DDX3X: variants seen among roughly 807,000 people sequenced by gnomAD.
The protein encoded by DDX3X is ATP-dependent RNA helicase DDX3X.
Under a neutral mutation model 52.7 loss-of-function variants are expected in DDX3X, and 4 were observed. That is an observed-to-expected ratio of 0.08 (90% CI 0.04 to 0.17). The LOEUF (loss-of-function observed/expected upper bound fraction) is 0.17. DDX3X is among the 10% of genes least tolerant of loss of function. The pLI, the probability that DDX3X is intolerant of heterozygous loss-of-function variation, is 1.00. For missense variants in DDX3X, 222 were observed against 548.6 expected, an observed-to-expected ratio of 0.40 and a Z score of 5.95; for synonymous variants, 192 against 178.1, an observed-to-expected ratio of 1.08 and a Z score of -0.62.
chrX:41,355,064 G>T (rs1451693473), downstream of DDX3X, among the ~76,000 whole-genome samples: 1 of 111,016 alleles, frequency 9.0e-6, no homozygotes, highest in African/African-American at 3.3e-5. Flanking sequence ...CGGGTGATCC[G>T]CCCGCCTCGG....
At chrX:41,353,467 C>T (rs1275324012), downstream of DDX3X, among the ~76,000 whole-genome samples, 1 of 105,771 alleles carries the variant, frequency 9.5e-6, no homozygotes, top group Non-Finnish European at 1.9e-5. Context: ...GACTCCATCT[C>T]AAAAAATATA....
intron 1 of DDX3X, chrX:41,334,515 G>C: frequency 9.1e-7 from 1 of 1,094,971 alleles, no homozygotes; most frequent in Non-Finnish European, 1.2e-6. Flanking sequence ...CCCGGGACGA[G>C]CACAATGGCG....
chrX:41,333,883 CTCCGAGGCTGAGA>C, upstream of DDX3X: 1 of 167,173 alleles, frequency 6.0e-6, no homozygotes, highest in Non-Finnish European at 1.1e-5. Context: ...ATCTCGAGAA[CTCCGAGGCTGAGA>C]CTAGGGTTTT....
At chrX:41,361,238 C>CATG (rs1445665286) in intron 5 of DDX3X, among the ~76,000 whole-genome samples, 1 of 109,993 alleles carries the variant, frequency 9.1e-6, no homozygotes, top group Non-Finnish European at 1.9e-5. Context: ...GTCGGCCGGG[C>CATG]ATGGTGGCTC....
At chrX:41,347,488 G>GT (rs778452838) in intron 16 of DDX3X, 37 bp downstream of exon 16, 2 of 1,194,985 alleles carry the variant, frequency 1.7e-6, no homozygotes, top group East Asian at 3.0e-5. Flanking sequence ...TTTGGGAAGG[G>GT]TTTTTTTCCT....
rs773170986 is a variant in DDX3X at position 41,343,716 on chromosome X, T to G, written c.680-21T>G. 10 of 1,178,121 alleles carry G rather than the reference T, an allele frequency of 8.5e-6. No homozygotes were observed. In the African/African-American group the frequency reaches 1.8e-4, roughly 21 times the overall value. On this transcript the variant is annotated intron_variant, in intron 7 of 16. Coordinates refer to ENST00000644876, the MANE Select transcript of DDX3X (RefSeq NM_001356.5). Reference sequence around the variant, plus strand: ...CTGTTTAAAAGTAATGAGCAGGATTTGTTTGTTTGTTTTTGAACAGGGTCT... The same window carrying G: ...CTGTTTAAAAGTAATGAGCAGGATTGGTTTGTTTGTTTTTGAACAGGGTCT...
intron 7 of DDX3X, 25 bp downstream of exon 7, chrX:41,343,376 ACAT>A (rs778066345): frequency 2.2e-5 from 26 of 1,166,509 alleles, no homozygotes; most frequent in Non-Finnish European, 3.0e-5. Flanking sequence ...TAAGAGTAAA[ACAT>A]CATATTTCTT....
At chrX:41,353,133 T>C (rs1472087924), downstream of DDX3X, among the ~76,000 whole-genome samples, 1 of 110,304 alleles carries the variant, frequency 9.1e-6, no homozygotes, top group Non-Finnish European at 1.9e-5. Flanking sequence ...ATGTTCCTTC[T>C]AACTAGAATT....
At chrX:41,363,866 C>T (rs1037550274) in intron 5 of DDX3X, among the ~76,000 whole-genome samples, 1 of 111,689 alleles carries the variant, frequency 9.0e-6, no homozygotes, top group African/African-American at 3.3e-5. Flanking sequence ...AGCTCAGAGC[C>T]ACCCTGACCG....
At chrX:41,339,174 C>G in intron 3 of DDX3X, 91 bp downstream of exon 3, 4 of 434,345 alleles carry the variant, frequency 9.2e-6, no homozygotes, top group Non-Finnish European at 1.5e-5. Context: ...TGGGGGAGGT[C>G]TAAACATGGT....
At chrX:41,334,364 T>C (rs767396286) in intron 1 of DDX3X, 67 bp downstream of exon 1, 1 of 1,178,653 alleles carries the variant, frequency 8.5e-7, no homozygotes, top group Non-Finnish European at 1.1e-6. Context: ...ACCTGGCTAA[T>C]GGCGCAGCGC....
At chrX:41,360,051 C>A (rs754404656) in intron 5 of DDX3X, among the ~76,000 whole-genome samples, 1 of 109,540 alleles carries the variant, frequency 9.1e-6, no homozygotes, top group South Asian at 3.9e-4. Context: ...AGTGTCACTC[C>A]AGCCATATGT....
At chrX:41,344,629 G>T in intron 10 of DDX3X, 1 of 390,731 alleles carries the variant, frequency 2.6e-6, no homozygotes, top group Non-Finnish European at 4.5e-6. Context: ...GTAGAGGCGG[G>T]GTTTCTCCAT....
intron 12 of DDX3X, chrX:41,345,958 C>T: frequency 3.0e-6 from 1 of 335,455 alleles, no homozygotes; most frequent in Admixed American, 5.5e-5. Flanking sequence ...GTCCCAGCTA[C>T]TTGGCAGGCT....
chrX:41,347,094 A>G, intron 15 of DDX3X, 82 bp downstream of exon 15: 1 of 1,034,277 alleles, frequency 9.7e-7, no homozygotes, highest in South Asian at 2.2e-5. Context: ...ATAACGTCCA[A>G]GGTTAACTGT....
rs2147353397 is a variant in DDX3X at position 41,344,033 on chromosome X, A to C, written c.769A>C (p.Asn257His). Residue 257 changes from asparagine (N) to histidine (H), a missense_variant, in exon 9 of 17, where the codon AAT becomes CAT. Physicochemically the swap from Asn to His is moderately conservative, Grantham distance 68 (BLOSUM62 1). Around this residue, in one of 5 missense-constraint regions of DDX3X, gnomAD observed 73 missense variants for 301.4 expected, o/e 0.24. Coordinates refer to ENST00000644876, the MANE Select transcript of DDX3X (RefSeq NM_001356.5). ...TAAAAATTAACTTATTTCTTAGGAA[A>C]ATGGAAGGTATGGGCGCCGCAAACA... is the stretch of plus-strand genomic sequence containing the variant. ...PGEALRAMKE[N>H]GRYGRRKQYP... The C allele has an allele frequency of 1.7e-6, 2 of 1,199,633 alleles. No homozygotes were observed. Among genetic ancestry groups the C allele is most frequent in the Non-Finnish European group, 2.2e-6 (2 of 890,552 alleles).
upstream of DDX3X, chrX:41,333,396 TCCTTTCC>T (rs1308727559): frequency 2.3e-5 from 2 of 87,975 alleles, no homozygotes; most frequent in Non-Finnish European, 4.5e-5. Flanking sequence ...TCCTCCCTCC[TCCTTTCC>T]CCTTACTCCG....
intron 4 of DDX3X, 77 bp from the exon 5 acceptor site, chrX:41,342,418 A>G (rs753929501): frequency 4.8e-5 from 53 of 1,097,015 alleles, no homozygotes; most frequent in Non-Finnish European, 6.6e-5. Flanking sequence ...AAGTCTCCAG[A>G]TACAGTTCTA....
chrX:41,335,693 CAT>C (rs1225505324), intron 1 of DDX3X: 3 of 112,113 alleles, frequency 2.7e-5, no homozygotes, highest in African/African-American at 6.5e-5. Context: ...TTAATGTAGT[CAT>C]ATGTAATATT....
Sources: gnomAD v4.1 joint callset for allele counts (sites outside exome capture counted in the v4.1 genomes callset) on GRCh38, gnomAD v4.1.1 for gene constraint, gnomAD v4.1.1 regional missense constraint, MANE v1.5 for transcripts, NCBI Gene and HGNC (gene_info 2026-07-23, HGNC 2026-07-21) for gene names.